The following LANCL1 variants were observed in gnomAD, a reference collection of about 807,000 sequenced individuals.
LANCL1 encodes the protein glutathione S-transferase LANCL1.
In LANCL1, 50 loss-of-function variants were observed where a neutral mutation model predicts 50.6. That is an observed-to-expected ratio of 0.99 (90% confidence interval 0.79 to 1.25). The LOEUF (loss-of-function observed/expected upper bound fraction) is 1.25, where lower values mean the gene tolerates loss of function less well. Among genes scored for constraint, LANCL1 ranks in the 50% most tolerant of loss-of-function variants. The pLI is 0.00. For synonymous variants in LANCL1, 188 were observed against 178.6 expected (o/e 1.05, Z -0.42); for missense variants, 532 against 480.7 (o/e 1.11, Z -1.00).
chr2:210,476,253 T>A (rs1181038791), intron 2 of LANCL1, 63 bp downstream of exon 2: 1 of 1,198,586 alleles, frequency 8.3e-7, no homozygotes, highest in Admixed American at 1.9e-5. Context: ...CAGGCAAAAA[T>A]GAGCACCTTT....
chr2:210,444,365 G>GGTGA (rs1200969260), intron 4 of LANCL1, among the ~76,000 whole-genome samples: 1 of 152,122 alleles, frequency 6.6e-6, no homozygotes, highest in Non-Finnish European at 1.5e-5. Context: ...ACACGCTTGT[G>GGTGA]GTGAGGGGGG....
In LANCL1 at chr2:210,440,066, C is replaced by T. The variant is rs1693079289; in HGVS notation, c.690+532G>A. The stretch of plus-strand genomic sequence containing the variant: ...AGTCTATTTGACTTTGGTTGATGTG[C>T]CCCAATAGTATTAGATCCCAAGAAC... On this transcript the variant is annotated intron_variant, in intron 6 of 9. Transcript: ENST00000450366. Among the ~76,000 whole-genome samples the T allele has an allele frequency of 3.3e-5, 5 of 152,266 alleles. No homozygotes were observed. In the South Asian group the frequency reaches 1.0e-3, roughly 32 times the overall value.
chr2:210,450,161 A>T (rs2105902698), intron 4 of LANCL1, among the ~76,000 whole-genome samples: 1 of 152,334 alleles, frequency 6.6e-6, no homozygotes, highest in South Asian at 2.1e-4. Flanking sequence ...GACCAATAGA[A>T]CAGAACAGAG....
chr2:210,441,930 G>A (rs1224015115), intron 4 of LANCL1, among the ~76,000 whole-genome samples: 2 of 148,632 alleles, frequency 1.3e-5, no homozygotes, highest in Admixed American at 6.7e-5. Flanking sequence ...TTTTGAGACA[G>A]TTTCGCTCTT....
chr2:210,442,178 A>C (rs1344661136), intron 4 of LANCL1, among the ~76,000 whole-genome samples: 4 of 152,130 alleles, frequency 2.6e-5, no homozygotes, highest in Non-Finnish European at 5.9e-5. Flanking sequence ...TGCTGGGATT[A>C]TAGGTGTGAG....
chr2:210,437,212 C>T (rs919023933), intron 7 of LANCL1, among the ~76,000 whole-genome samples: 1 of 152,134 alleles, frequency 6.6e-6, no homozygotes, highest in Non-Finnish European at 1.5e-5. Context: ...ATTTATTTCA[C>T]TTAGCATGTT....
chr2:210,460,094 T>C (rs1276831253), intron 3 of LANCL1, among the ~76,000 whole-genome samples: 4 of 152,208 alleles, frequency 2.6e-5, no homozygotes, highest in Admixed American at 6.5e-5. Flanking sequence ...TCTCCACAGA[T>C]ACATGAATCT....
chr2:210,436,047 G>A (rs1431077451), intron 8 of LANCL1, among the ~76,000 whole-genome samples, 169 bp downstream of exon 8: 14 of 151,628 alleles, frequency 9.2e-5, no homozygotes, highest in Admixed American at 8.5e-4. Context: ...GATTATAGGC[G>A]CCTGCCACCA....
intron 3 of LANCL1, among the ~76,000 whole-genome samples, chr2:210,456,808 A>C (rs928951777): frequency 6.6e-6 from 1 of 152,170 alleles, no homozygotes; most frequent in East Asian, 1.9e-4. Context: ...AGAAAATAAA[A>C]AGTGATTAAA....
At chr2:210,444,372 G>T (rs1483514642) in intron 4 of LANCL1, among the ~76,000 whole-genome samples, 2 of 152,250 alleles carry the variant, frequency 1.3e-5, no homozygotes, top group South Asian at 4.1e-4. Context: ...TGTGGTGAGG[G>T]GGGAGAAAAC....
At position 210,431,738 on chromosome 2, in the gene LANCL1, G is replaced by C. The variant is rs1692752075; in HGVS notation, c.*2749C>G. 6.6e-6 allele frequency: 1 copy of C among 152,110 alleles called. No individual in the cohort carries two copies. The highest frequency in any genetic ancestry group is 1.5e-5 in the Non-Finnish European group (1 of 68,016). The allele number at this position is 152,110 out of a possible 1,614,324, so 9.4% of individuals were successfully genotyped here. A position where few individuals can be genotyped will look rare whatever the true frequency, so the allele number is the denominator to read the frequency against. On this transcript the variant is annotated 3_prime_UTR_variant, in exon 10 of 10. Transcript: ENST00000450366. The stretch of plus-strand genomic sequence containing the variant: ...AACTCTACCTACCATGAAGGTTTTT[G>C]ATGCCAAATAATTGGAACTGACATC...
rs1415373418 is a variant in LANCL1 at position 210,446,945 on chromosome 2, TC to T, written c.408-5503del. Among the ~76,000 whole-genome samples, 9 of 152,240 alleles carry T rather than the reference TC, an allele frequency of 5.9e-5. No individual in the cohort carries two copies. In the East Asian group the frequency reaches 1.7e-3, roughly 29 times the overall value. The stretch of plus-strand genomic sequence containing the variant: ...ACTCTTCAGGATATTATCCAGAACT[TC>T]CCCAACCTTCACATTCACATTCAGG... On this transcript the variant is annotated intron_variant, in intron 4 of 9. Coordinates refer to ENST00000450366, the MANE Select transcript of LANCL1 (RefSeq NM_006055.3).
Position 210,432,046 on chromosome 2 carries a change from T to G in LANCL1, c.*2441A>C, listed in dbSNP as rs1692762571. ...TCTAGGAACCAACTTCTGGGAAAGA[T>G]TTTTAAAGAAGAAAAATATCTGAGA... On this transcript the variant is annotated 3_prime_UTR_variant, in exon 10 of 10. Transcript: ENST00000450366. 1 of 152,118 alleles carries G rather than the reference T, an allele frequency of 6.6e-6. No individual in the cohort carries two copies. The highest frequency in any genetic ancestry group is 2.1e-4 in the South Asian group (1 of 4,828). The allele number at this position is 152,118 out of a possible 1,614,324, so 9.4% of individuals were successfully genotyped here. A position where few individuals can be genotyped will look rare whatever the true frequency, so the allele number is the denominator to read the frequency against.
intron 4 of LANCL1, among the ~76,000 whole-genome samples, chr2:210,445,205 C>A (rs1244757770): frequency 2.0e-5 from 3 of 152,082 alleles, no homozygotes; most frequent in Non-Finnish European, 2.9e-5. Context: ...GGAAGTATTA[C>A]ACCGAATTAC....
intron 3 of LANCL1, among the ~76,000 whole-genome samples, chr2:210,456,405 A>G (rs1559715793): frequency 6.6e-6 from 1 of 152,180 alleles, no homozygotes; most frequent in Non-Finnish European, 1.5e-5. Flanking sequence ...GCTTTGTGCT[A>G]CAGACAATTC....
chr2:210,462,674 C>T (rs1312075294), intron 3 of LANCL1, among the ~76,000 whole-genome samples: 1 of 152,126 alleles, frequency 6.6e-6, no homozygotes, highest in Non-Finnish European at 1.5e-5. Flanking sequence ...GGAAAAACAC[C>T]TTCTATAGAA....
chr2:210,436,521 AG>A (rs1247735888), intron 7 of LANCL1, 129 bp from the exon 8 acceptor site: 2 of 845,122 alleles, frequency 2.4e-6, no homozygotes, highest in Non-Finnish European at 3.7e-6. Context: ...TTAGTGACAG[AG>A]GGATGTGTTA....
At chr2:210,471,337 G>A (rs1694218392) in intron 3 of LANCL1, among the ~76,000 whole-genome samples, 2 of 151,572 alleles carry the variant, frequency 1.3e-5, no homozygotes, top group South Asian at 2.1e-4. Flanking sequence ...GAGCCACTGC[G>A]CCCAGCCTCT....
chr2:210,435,511 C>T (rs757840722), intron 8 of LANCL1, 52 bp from the exon 9 acceptor site: 1 of 1,412,948 alleles, frequency 7.1e-7, no homozygotes, highest in Non-Finnish European at 1.0e-6. Flanking sequence ...CAGAGACAAC[C>T]CCAAAAGTTA....
Sources: gnomAD v4.1 joint callset for allele counts (sites outside exome capture counted in the v4.1 genomes callset) on GRCh38, gnomAD v4.1.1 for gene constraint, MANE v1.5 for transcripts, NCBI Gene and HGNC (gene_info 2026-07-23, HGNC 2026-07-21) for gene names.